COL14A1: variants seen among roughly 807,000 people sequenced by gnomAD.
COL14A1 encodes the protein collagen alpha-1(XIV) chain.
In COL14A1, 136 loss-of-function variants were observed where a neutral mutation model predicts 230.3. The ratio of observed to expected loss-of-function variants is 0.59; its 90% CI spans 0.51 to 0.68. COL14A1 has a LOEUF of 0.68. Ranked by LOEUF, COL14A1 falls within the 30% of genes least tolerant of loss-of-function variation. COL14A1 has a pLI of 0.00. For missense variants in COL14A1, 1,976 were observed against 2,215.8 expected, an observed-to-expected ratio of 0.89 and a Z score of 2.17; for synonymous variants, 792 against 784.1, an observed-to-expected ratio of 1.01 and a Z score of -0.17.
At chr8:120,257,294 CA>C (rs1819185978) in intron 23 of COL14A1, among the ~76,000 whole-genome samples, 1 of 152,178 alleles carries the variant, frequency 6.6e-6, no homozygotes, top group Non-Finnish European at 1.5e-5. Flanking sequence ...AAGTGTTGTT[CA>C]ATGTACTTCT....
chr8:120,285,150 T>G (rs1563717152), intron 32 of COL14A1, among the ~76,000 whole-genome samples: 1 of 151,808 alleles, frequency 6.6e-6, no homozygotes, highest in Non-Finnish European at 1.5e-5. Context: ...GTTGCTGCAG[T>G]GGGTTAAAAA....
At chr8:120,192,878 C>T (rs1230356011) in intron 5 of COL14A1, among the ~76,000 whole-genome samples, 3 of 152,194 alleles carry the variant, frequency 2.0e-5, no homozygotes, top group East Asian at 3.8e-4. Flanking sequence ...AGTTCTCGAG[C>T]CTTGGCTTTT....
intron 5 of COL14A1, among the ~76,000 whole-genome samples, chr8:120,182,871 C>T (rs924958730): frequency 6.6e-5 from 10 of 151,530 alleles, no homozygotes; most frequent in African/African-American, 1.2e-4. Context: ...GGACTACAGG[C>T]GTGTGACACC....
intron 45 of COL14A1, among the ~76,000 whole-genome samples, chr8:120,362,840 T>C (rs2130373285): frequency 6.6e-6 from 1 of 152,320 alleles, no homozygotes; most frequent in South Asian, 2.1e-4. Context: ...CTGATGATCC[T>C]AAATATTATT....
At chr8:120,213,894 A>G in intron 13 of COL14A1, 1 of 400,050 alleles carries the variant, frequency 2.5e-6, no homozygotes, top group Middle Eastern at 3.5e-4. Context: ...CACACTACTT[A>G]ATTATATTGC....
intron 45 of COL14A1, 29 bp from the exon 46 acceptor site, chr8:120,367,142 T>C: frequency 2.6e-6 from 4 of 1,528,510 alleles, no homozygotes; most frequent in Non-Finnish European, 2.6e-6. Flanking sequence ...AAAAGAACTT[T>C]AAACATTTTT....
intron 40 of COL14A1, among the ~76,000 whole-genome samples, chr8:120,322,997 G>A (rs1821512460): frequency 6.6e-6 from 1 of 152,188 alleles, no homozygotes; most frequent in Non-Finnish European, 1.5e-5. Context: ...CACAATGGTT[G>A]AACTAGTTTA....
intron 3 of COL14A1, among the ~76,000 whole-genome samples, chr8:120,159,607 C>T (rs560278986): frequency 6.6e-5 from 10 of 152,230 alleles, no homozygotes; most frequent in Middle Eastern, 3.4e-3. Context: ...CAACAGTTGA[C>T]GTAAACATTC....
At chr8:120,342,559 G>T in intron 44 of COL14A1, 113 bp downstream of exon 44, 1 of 970,108 alleles carries the variant, frequency 1.0e-6, no homozygotes, top group Non-Finnish European at 1.6e-6. Flanking sequence ...TTGTCTTTGT[G>T]CAGACACATA....
intron 18 of COL14A1, among the ~76,000 whole-genome samples, chr8:120,229,725 C>G (rs547801754): frequency 7.9e-5 from 12 of 152,286 alleles, no homozygotes; most frequent in East Asian, 5.8e-4. Flanking sequence ...TACAGTCCCA[C>G]CAACAGTGTA....
intron 5 of COL14A1, 115 bp from the exon 6 acceptor site, chr8:120,196,676 C>G: frequency 9.8e-7 from 1 of 1,024,986 alleles, no homozygotes; most frequent in Non-Finnish European, 1.4e-6. Flanking sequence ...ATGGCTGCTC[C>G]TACGGGAACT....
At chr8:120,126,877 C>T (rs919155627) in intron 1 of COL14A1, among the ~76,000 whole-genome samples, 2 of 152,178 alleles carry the variant, frequency 1.3e-5, no homozygotes, top group African/African-American at 4.8e-5. Context: ...AACCCAAGTG[C>T]TTCGCTATTA....
chr8:120,154,045 A>G (rs11780286), intron 2 of COL14A1, among the ~76,000 whole-genome samples: 1 of 152,174 alleles, frequency 6.6e-6, no homozygotes, highest in Non-Finnish European at 1.5e-5. Flanking sequence ...GCTGTCATAT[A>G]AGGAAGAGGA....
chr8:120,267,914 A>G (rs16893802), intron 25 of COL14A1, among the ~76,000 whole-genome samples: 3,842 of 151,902 alleles, frequency 0.025, 157 homozygotes, highest in African/African-American at 0.087. Context: ...AGTAGAACAC[A>G]TTAGAAGGTT....
chr8:120,204,636 A>T (rs1817371802), intron 9 of COL14A1, among the ~76,000 whole-genome samples: 1 of 152,208 alleles, frequency 6.6e-6, no homozygotes, highest in Admixed American at 6.5e-5. Context: ...GTGAATGTTC[A>T]TGTGGAGGTT....
At chr8:120,309,954 A>T (rs1264620988) in intron 36 of COL14A1, 55 bp from the exon 37 acceptor site, 1 of 1,547,508 alleles carries the variant, frequency 6.5e-7, no homozygotes, top group African/African-American at 1.4e-5. Flanking sequence ...AAAATGAATG[A>T]AATACACTGT....
chr8:120,220,941 G>A (rs771054025), intron 14 of COL14A1, among the ~76,000 whole-genome samples: 2 of 152,160 alleles, frequency 1.3e-5, no homozygotes, highest in Non-Finnish European at 2.9e-5. Flanking sequence ...CCATGAGCCA[G>A]GCACTGTTCC....
At chr8:120,205,014 G>A (rs1200737761) in intron 9 of COL14A1, among the ~76,000 whole-genome samples, 1 of 152,080 alleles carries the variant, frequency 6.6e-6, no homozygotes, top group Non-Finnish European at 1.5e-5. Context: ...TGGGGTGGAT[G>A]TTAGGGCACC....
chr8:120,366,023 C>A (rs1240650092), intron 45 of COL14A1, among the ~76,000 whole-genome samples: 2 of 152,174 alleles, frequency 1.3e-5, no homozygotes, highest in Non-Finnish European at 2.9e-5. Context: ...AAACAAAAAA[C>A]CAAAACCTGT....
Sources: allele counts gnomAD v4.1 joint callset (sites outside exome capture counted in the v4.1 genomes callset), GRCh38; gene constraint gnomAD v4.1.1; transcripts MANE v1.5; gene names NCBI Gene and HGNC (gene_info 2026-07-23, HGNC 2026-07-21).